ZNF717: variants seen among roughly 807,000 people sequenced by gnomAD.
The protein encoded by ZNF717 is zinc finger protein 717, also known as krueppel-like factor X17.
A neutral mutation model predicts 13.8 loss-of-function variants in ZNF717; 9 were observed. That is an observed-to-expected ratio of 0.65 (90% CI 0.39 to 1.14). The LOEUF is 1.14. ZNF717 is among the 50% of genes most tolerant of loss of function. The pLI is 0.01. For synonymous variants in ZNF717, 327 were observed against 364.1 expected (o/e 0.90, Z 1.16); for missense variants, 1,040 against 1,080.7 (o/e 0.96, Z 0.53).
At position 75,738,103 on chromosome 3, in the gene ZNF717, T is replaced by C. The variant is rs1307398876; in HGVS notation, c.1520A>G (p.Tyr507Cys). The part of the protein sequence containing the change: ...HQWTHTGEKP[Y>C]ECNECGKTFR... Reference sequence around the variant, plus strand: ...GGTTTTCCCACATTCATTGCATTCGTAGGGTTTTTCCCCTGTGTGAGTCCA... The same window carrying C: ...GGTTTTCCCACATTCATTGCATTCGCAGGGTTTTTCCCCTGTGTGAGTCCA... Residue 507 changes from tyrosine to cysteine, a missense_variant, in exon 5 of 5, where the codon TAC (tyrosine) becomes TGC (cysteine). Physicochemically the swap from Tyr to Cys is radical, Grantham distance 194. Coordinates refer to ENST00000652011, the MANE Select transcript of ZNF717 (RefSeq NM_001290208.3). 3.7e-6 allele frequency: 5 copies of C among 1,354,400 alleles called. No homozygotes were observed. The highest frequency in any genetic ancestry group is 2.0e-4 in the Middle Eastern group (1 of 5,082). The allele number at this position is 1,354,400 out of a possible 1,614,324, so 83.9% of individuals were successfully genotyped here. A position where few individuals can be genotyped will look rare whatever the true frequency, so the allele number is the denominator to read the frequency against.
intron 2 of ZNF717, among the ~76,000 whole-genome samples, chr3:75,750,887 C>T (rs1358043863): frequency 6.6e-6 from 1 of 151,426 alleles, no homozygotes; most frequent in Non-Finnish European, 1.5e-5. Flanking sequence ...AACGTTTGTC[C>T]CTCTCATGGG....
intron 2 of ZNF717, among the ~76,000 whole-genome samples, chr3:75,751,648 G>T (rs1477189093): frequency 6.7e-6 from 1 of 150,020 alleles, no homozygotes; most frequent in South Asian, 2.1e-4. Context: ...TGGTGTGAAT[G>T]TTTGTCCCTC....
chr3:75,775,298 A>C (rs76631927), intron 2 of ZNF717, among the ~76,000 whole-genome samples: 5,449 of 86,348 alleles, frequency 0.063, no homozygotes, highest in Non-Finnish European at 0.088. Context: ...AGACCACACA[A>C]ATAACCAAAT....
chr3:75,736,669 G>A lies in ZNF717; in HGVS notation c.*209C>T. 1 of 554,590 alleles carries A rather than the reference G, an allele frequency of 1.8e-6. No homozygotes were observed. The highest frequency in any genetic ancestry group is 3.1e-6 in the Non-Finnish European group (1 of 324,494). The allele number at this position is 554,590 out of a possible 1,614,324, so 34.4% of individuals were successfully genotyped here. A position where few individuals can be genotyped will look rare whatever the true frequency, so the allele number is the denominator to read the frequency against. On this transcript the variant is annotated 3_prime_UTR_variant, in exon 5 of 5. Transcript: ENST00000652011. ...GCAGAGGTTGGTATATGAGCTTCTA[G>A]GAAAACAGCCATATCTGTGACATTA...
chr3:75,761,405 G>T (rs1340771679), intron 2 of ZNF717, among the ~76,000 whole-genome samples: 2 of 152,258 alleles, frequency 1.3e-5, no homozygotes, highest in Non-Finnish European at 2.9e-5. Context: ...TACATGAAAA[G>T]CTCACAGCTA....
intron 2 of ZNF717, among the ~76,000 whole-genome samples, chr3:75,742,339 A>G (rs2918522): frequency 0.5 from 66,897 of 133,568 alleles, 12,555 homozygotes; most frequent in South Asian, 0.66. Flanking sequence ...AAAAAAAAAA[A>G]GAATAAAATT....
intron 2 of ZNF717, among the ~76,000 whole-genome samples, chr3:75,762,440 C>CAAAAAAAA (rs36024450): frequency 1.7e-5 from 2 of 116,438 alleles, no homozygotes; most frequent in Non-Finnish European, 1.7e-5. Context: ...GACTCCATCT[C>CAAAAAAAA]AAAAAAAAAA....
intron 2 of ZNF717, among the ~76,000 whole-genome samples, chr3:75,753,302 A>C (rs1942093860): frequency 6.6e-6 from 1 of 151,354 alleles, no homozygotes; most frequent in Non-Finnish European, 1.5e-5. Context: ...TGAGGTTCTG[A>C]ATGTTTGTCC....
In ZNF717 at chr3:75,737,366, T is replaced by G. The variant is rs546175916; in HGVS notation, c.2257A>C (p.Thr753Pro). Residue 753 changes from threonine to proline, a missense_variant, in exon 5 of 5, where the codon ACC (threonine) becomes CCC (proline). By Grantham distance (38) the Thr-to-Pro change is conservative. Around this residue, in one of 3 missense-constraint regions of ZNF717, gnomAD observed 873 missense variants for 832.8 expected, o/e 1.05. Coordinates refer to ENST00000652011, the MANE Select transcript of ZNF717 (RefSeq NM_001290208.3). ...TTACATTCATAAGGTTTTTCTCCGG[T>G]ATGGGTTCTATGATGTACAGTGAGG... ...SVLTVHHRTH[T>P]GEKPYECNEC... 95 of 1,552,624 alleles carry G rather than the reference T, an allele frequency of 6.1e-5. No individual in the cohort carries two copies. The African/African-American group carries it at 1.1e-3, about 17-fold the overall frequency.
At chr3:75,719,883 G>A (rs77858683) in intron 4 of ZNF717, among the ~76,000 whole-genome samples, 14 of 151,960 alleles carry the variant, frequency 9.2e-5, no homozygotes, top group East Asian at 1.9e-4. Context: ...ACTTGAACCC[G>A]GGAGAAGGAG....
chr3:75,759,866 G>A (rs1234994575), intron 2 of ZNF717, among the ~76,000 whole-genome samples: 1 of 152,032 alleles, frequency 6.6e-6, no homozygotes, highest in Admixed American at 6.6e-5. Flanking sequence ...ACTGTACCCG[G>A]CAATTTTTAA....
chr3:75,749,937 T>C (rs113587747), intron 2 of ZNF717, among the ~76,000 whole-genome samples: 1 of 148,574 alleles, frequency 6.7e-6, no homozygotes, highest in African/African-American at 2.5e-5. Context: ...GTCCCTCACA[T>C]AGGATTCCAG....
chr3:75,726,675 T>TGA (rs1410344298), downstream of ZNF717, among the ~76,000 whole-genome samples: 2 of 152,248 alleles, frequency 1.3e-5, no homozygotes, highest in African/African-American at 4.8e-5. Context: ...TGGGCCTTGA[T>TGA]GAGAGAGATA....
chr3:75,754,324 G>GA (rs937054376), intron 2 of ZNF717, among the ~76,000 whole-genome samples: 2 of 151,624 alleles, frequency 1.3e-5, no homozygotes, highest in African/African-American at 4.9e-5. Flanking sequence ...GAATTATGGG[G>GA]AAAAAATTAC....
chr3:75,710,531 TTGTTCTAATGACCTGGGAAAATC>T (rs1267360873), exon 6 of ZNF717: 5 of 140,638 alleles, frequency 3.6e-5, no homozygotes, highest in Non-Finnish European at 6.4e-5. Flanking sequence ...ACGTGGAGTC[TTGTTCTAATGACCTGGGAAAATC>T]TGTTCTAATG....
chr3:75,705,822 T>C (rs1448102376), downstream of ZNF717, among the ~76,000 whole-genome samples: 21 of 152,378 alleles, frequency 1.4e-4, no homozygotes, highest in East Asian at 3.9e-3. Flanking sequence ...CTAAAACAAT[T>C]TTCAGAGGTT....
chr3:75,730,526 C>A (rs1559578651), exon 6 of ZNF717: 8 of 677,452 alleles, frequency 1.2e-5, no homozygotes, highest in African/African-American at 3.6e-5. Flanking sequence ...CAGACTTGGA[C>A]ACATCATGTT....
downstream of ZNF717, among the ~76,000 whole-genome samples, chr3:75,705,370 T>C (rs1575712976): frequency 9.2e-5 from 14 of 152,206 alleles, no homozygotes; most frequent in South Asian, 2.1e-4. Context: ...AAAATTAAAA[T>C]GGGCTTCTAT....
intron 5 of ZNF717, among the ~76,000 whole-genome samples, chr3:75,713,936 G>A (rs1347686259): frequency 1.3e-5 from 2 of 152,148 alleles, no homozygotes; most frequent in African/African-American, 4.8e-5. Context: ...CTGGATGGGG[G>A]CCCTTCCCTG....
Sources: gnomAD v4.1 joint callset for allele counts (sites outside exome capture counted in the v4.1 genomes callset) on GRCh38, gnomAD v4.1.1 for gene constraint, gnomAD v4.1.1 regional missense constraint, MANE v1.5 for transcripts, NCBI Gene and HGNC (gene_info 2026-07-23, HGNC 2026-07-21) for gene names.